LRRC49: variants seen among roughly 807,000 people sequenced by gnomAD.
LRRC49 encodes the protein leucine-rich repeat-containing protein 49.
In LRRC49, 50 loss-of-function variants were observed where a neutral mutation model predicts 83.3. That is an observed-to-expected ratio of 0.60 (90% CI 0.48 to 0.76). The LOEUF (loss-of-function observed/expected upper bound fraction) is 0.76, where lower values mean the gene tolerates loss of function less well. LRRC49 is among the 30% of genes least tolerant of loss of function. LRRC49 has a pLI of 0.00. For synonymous variants in LRRC49, 286 were observed against 283.3 expected, an observed-to-expected ratio of 1.01 and a Z score of -0.10; for missense variants, 704 against 809.1, an observed-to-expected ratio of 0.87 and a Z score of 1.58.
At chr15:71,019,215 G>C (rs2038919370) in intron 14 of LRRC49, among the ~76,000 whole-genome samples, 2 of 152,138 alleles carry the variant, frequency 1.3e-5, no homozygotes, top group Non-Finnish European at 2.9e-5. Flanking sequence ...AGAGGTTGGG[G>C]ATGGGGCTGG....
At position 70,989,147 on chromosome 15, in the gene LRRC49, G is replaced by A. The variant is rs1273151552; in HGVS notation, c.1169+4890G>A. Among the ~76,000 whole-genome samples, 4 of 152,030 alleles carry A rather than the reference G, an allele frequency of 2.6e-5. No individual in the cohort carries two copies. The East Asian group carries it at 7.7e-4, about 29-fold the overall frequency. On this transcript the variant is annotated intron_variant, in intron 11 of 15. Coordinates refer to ENST00000260382, the MANE Select transcript of LRRC49 (RefSeq NM_017691.5). The stretch of plus-strand genomic sequence containing the variant: ...TGCTCTTCTCGAGGAGTATCTTTGT[G>A]GCATTCTCTGTATTTCCTGAATCTG...
chr15:71,028,286 G>A (rs1003150137), intron 14 of LRRC49, among the ~76,000 whole-genome samples: 2 of 152,118 alleles, frequency 1.3e-5, no homozygotes, highest in African/African-American at 4.8e-5. Flanking sequence ...TGTATCCCAG[G>A]GATAAAGCCA....
chr15:70,936,129 G>A (rs1349862810), intron 7 of LRRC49, among the ~76,000 whole-genome samples: 2 of 151,924 alleles, frequency 1.3e-5, no homozygotes, highest in African/African-American at 2.4e-5. Flanking sequence ...TTTTTGGGGT[G>A]GTGTGCATAA....
At chr15:71,028,218 A>G (rs1218482856) in intron 14 of LRRC49, among the ~76,000 whole-genome samples, 1 of 151,978 alleles carries the variant, frequency 6.6e-6, no homozygotes, top group Non-Finnish European at 1.5e-5. Flanking sequence ...GGTTTTTGTC[A>G]TTGGTTTTGT....
At chr15:70,961,540 A>G (rs903088309) in intron 8 of LRRC49, among the ~76,000 whole-genome samples, 1 of 152,228 alleles carries the variant, frequency 6.6e-6, no homozygotes, top group African/African-American at 2.4e-5. Flanking sequence ...GCTATGGTAT[A>G]TCCATACAAT....
Position 70,974,029 on chromosome 15 carries a change from A to T in LRRC49, c.922-6072A>T, listed in dbSNP as rs149769633. Among the ~76,000 whole-genome samples, 743 of 152,240 alleles carry T rather than the reference A, an allele frequency of 4.9e-3. 14 individuals carry two copies. In the East Asian group the frequency reaches 0.067, roughly 14 times the overall value. On this transcript the variant is annotated intron_variant, in intron 9 of 15. Coordinates refer to ENST00000260382, the MANE Select transcript of LRRC49 (RefSeq NM_017691.5). ...GTAATCCCAGCTACTCGGGAGGCTG[A>T]GGCTGGAGAATCACTTGAACCAGGG...
At chr15:70,956,688 G>T (rs928047137) in intron 8 of LRRC49, among the ~76,000 whole-genome samples, 1 of 151,998 alleles carries the variant, frequency 6.6e-6, no homozygotes, top group Non-Finnish European at 1.5e-5. Context: ...GTTTTATTTG[G>T]TTAGAGAATG....
chr15:70,925,090 T>C (rs1371561508), intron 7 of LRRC49, among the ~76,000 whole-genome samples: 1 of 152,092 alleles, frequency 6.6e-6, no homozygotes, highest in African/African-American at 2.4e-5. Flanking sequence ...GAAATCTAGG[T>C]ATGTCTTACA....
At position 71,008,507 on chromosome 15, in the gene LRRC49, G is replaced by T; in HGVS notation, c.1298G>T (p.Trp433Leu). 1 of 1,612,688 alleles carries T rather than the reference G, an allele frequency of 6.2e-7. No homozygotes were observed. ...GCACTGGAATCTCTGGATAGGAATT[G>T]GAGTGTTCAAACAGCAGGAATGATC... ...SGALESLDRN[W>L]SVQTAGMITT... Residue 433 changes from tryptophan to leucine, a missense_variant, in exon 12 of 16, where the codon TGG becomes TTG. Physicochemically the swap from Trp to Leu is moderately conservative, Grantham distance 61 (BLOSUM62 -2). Around this residue, in one of 3 missense-constraint regions of LRRC49, gnomAD observed 275 missense variants for 338.0 expected, o/e 0.81. Coordinates refer to ENST00000260382, the MANE Select transcript of LRRC49 (RefSeq NM_017691.5).
intron 10 of LRRC49, among the ~76,000 whole-genome samples, chr15:70,980,713 A>G (rs1443380451): frequency 6.6e-6 from 1 of 152,136 alleles, no homozygotes; most frequent in Non-Finnish European, 1.5e-5. Flanking sequence ...CTTAAATAAA[A>G]TATTCTCTTT....
At chr15:70,901,274 C>T (rs1171190768) in intron 4 of LRRC49, among the ~76,000 whole-genome samples, 1 of 152,048 alleles carries the variant, frequency 6.6e-6, no homozygotes, top group East Asian at 1.9e-4. Context: ...TAAAATATGA[C>T]ATTGATGAAA....
chr15:70,883,382 CAG>C (rs1211663504), intron 2 of LRRC49, among the ~76,000 whole-genome samples: 1 of 151,934 alleles, frequency 6.6e-6, no homozygotes, highest in African/African-American at 2.4e-5. Flanking sequence ...TTAGTAGAAA[CAG>C]GGTTTCACCA....
intron 2 of LRRC49, among the ~76,000 whole-genome samples, chr15:70,880,490 A>G (rs1022654438): frequency 6.6e-6 from 1 of 152,232 alleles, no homozygotes; most frequent in Non-Finnish European, 1.5e-5. Context: ...TAAGGTAAAT[A>G]TAACTTTTCC....
intron 13 of LRRC49, among the ~76,000 whole-genome samples, chr15:71,012,503 A>G (rs999986361): frequency 6.6e-6 from 1 of 152,096 alleles, no homozygotes; most frequent in African/African-American, 2.4e-5. Flanking sequence ...TTTCTGAAAA[A>G]AAAAAATACT....
At chr15:70,857,745 G>C (rs903373409) in intron 1 of LRRC49, among the ~76,000 whole-genome samples, 4 of 152,230 alleles carry the variant, frequency 2.6e-5, no homozygotes, top group African/African-American at 9.6e-5. Context: ...GGCACAGCCA[G>C]TGAAAACATC....
At chr15:71,009,661 C>T in intron 12 of LRRC49, 146 bp from the exon 13 acceptor site, 1 of 540,016 alleles carries the variant, frequency 1.9e-6, no homozygotes, top group East Asian at 3.0e-5. Flanking sequence ...TTAGTACATT[C>T]AGTTGATTTA....
At chr15:71,038,540 G>T (rs1025559903) in intron 15 of LRRC49, among the ~76,000 whole-genome samples, 20 of 151,938 alleles carry the variant, frequency 1.3e-4, no homozygotes, top group Non-Finnish European at 2.2e-4. Flanking sequence ...AGGGCTGTAG[G>T]CATTACAGCT....
chr15:70,872,556 G>A (rs1458069596), intron 1 of LRRC49, among the ~76,000 whole-genome samples: 1 of 152,180 alleles, frequency 6.6e-6, no homozygotes, highest in African/African-American at 2.4e-5. Flanking sequence ...TTTCCAAAGG[G>A]TCCGGTTCTG....
chr15:70,980,213 G>C (rs1596093071), intron 10 of LRRC49, 29 bp downstream of exon 10: 1 of 1,498,386 alleles, frequency 6.7e-7, no homozygotes, highest in African/African-American at 1.4e-5. Flanking sequence ...ACATGGATGT[G>C]TGTGCACACG....
Sources: allele counts gnomAD v4.1 joint callset (sites outside exome capture counted in the v4.1 genomes callset), GRCh38; gene constraint gnomAD v4.1.1; regional missense constraint gnomAD v4.1.1; transcripts MANE v1.5; gene names NCBI Gene and HGNC (gene_info 2026-07-23, HGNC 2026-07-21).